The following ZNF821 variants were observed in gnomAD, a reference collection of about 807,000 sequenced individuals.
ZNF821 encodes zinc finger protein 821.
A neutral mutation model predicts 44.3 loss-of-function variants in ZNF821; 16 were observed. That is an observed-to-expected ratio of 0.36 (90% CI 0.24 to 0.55). The LOEUF (loss-of-function observed/expected upper bound fraction) is 0.55, where lower values mean the gene tolerates loss of function less well. ZNF821 is among the 20% of genes least tolerant of loss of function. The pLI, the probability that ZNF821 is intolerant of heterozygous loss-of-function variation, is 0.86. For synonymous variants in ZNF821, 204 were observed against 197.6 expected (o/e 1.03, Z -0.27); for missense variants, 436 against 547.6 (o/e 0.80, Z 2.03).
At chr16:71,894,829 G>C (rs2036930351) in intron 1 of ZNF821, 2 of 1,534,300 alleles carry the variant, frequency 1.3e-6, no homozygotes, top group African/African-American at 1.4e-5. Flanking sequence ...GGCTTAAGCA[G>C]CGATAATGGT....
intron 3 of ZNF821, 99 bp from the exon 4 acceptor site, chr16:71,868,136 C>A: frequency 7.3e-7 from 1 of 1,377,552 alleles, no homozygotes; most frequent in Non-Finnish European, 9.7e-7. Flanking sequence ...AGGAGACAGG[C>A]AGGTACCCTG....
chr16:71,874,160 C>T (rs987791248), intron 3 of ZNF821, among the ~76,000 whole-genome samples: 1 of 151,824 alleles, frequency 6.6e-6, no homozygotes, highest in African/African-American at 2.4e-5. Context: ...CAGGGTTTCA[C>T]CATGTTGGCC....
chr16:71,860,988 T>A lies in ZNF821; in HGVS notation c.585-316A>T, dbSNP rs2033808135. On this transcript the variant is annotated intron_variant, in intron 7 of 7. Coordinates refer to ENST00000425432, the MANE Select transcript of ZNF821 (RefSeq NM_001201552.2). The surrounding 1 kb of genome is among the most constrained non-coding windows in gnomAD (Gnocchi z 7.3). Reference sequence around the variant, plus strand: ...CTCCTGCCTCAGCCTCCTGAGTAGCTGGGATTACAGGCGCACGCCACCACG... The same window carrying A: ...CTCCTGCCTCAGCCTCCTGAGTAGCAGGGATTACAGGCGCACGCCACCACG... 6.6e-6 allele frequency among the ~76,000 whole-genome samples: 1 copy of A among 152,074 alleles called. No individual in the cohort carries two copies. The highest frequency in any genetic ancestry group is 1.5e-5 in the Non-Finnish European group (1 of 68,028).
In ZNF821 at chr16:71,860,466, T is replaced by C; in HGVS notation, c.791A>G (p.Asn264Ser). The C allele has an allele frequency of 6.2e-7, 1 of 1,614,162 alleles. No individual in the cohort carries two copies. The highest frequency in any genetic ancestry group is 1.3e-5 in the African/African-American group (1 of 75,046). The stretch of plus-strand genomic sequence containing the variant: ...CTGCAGCCGTACTTCCAAAGGCTCA[T>C]TCTGTCGACGTAGAGCCCACTTGCG... ...SVRKWALRRQ[N>S]EPLEVRLQRL... The change falls in exon 8 of 8, where the codon AAT (asparagine) becomes AGT (serine). Residue 264 changes from asparagine to serine, a missense_variant. This residue lies in a region of ZNF821 where 68 missense variants were observed against 57.0 expected (regional missense o/e 1.19). Transcript: ENST00000425432. This position sits in a 1 kb window ranked among gnomAD's most constrained non-coding sequence, Gnocchi z 7.3.
rs929247722 is a variant in ZNF821, at chr16:71,890,999, C to T, written n.448+3890G>A. Among the ~76,000 whole-genome samples, 4 of 151,850 alleles carry T rather than the reference C, an allele frequency of 2.6e-5. No individual in the cohort carries two copies. The East Asian group carries it at 7.8e-4, about 29-fold the overall frequency. On this transcript the variant is annotated intron_variant and non_coding_transcript_variant, in intron 1 of 2. Transcript: ENST00000561700. The stretch of plus-strand genomic sequence containing the variant: ...CTGTGTTAGCCAGGATGGTCTCCAT[C>T]TCCTAACCTCGTGATCCGCCCGCCT...
At chr16:71,879,366 T>C (rs2036188853) in intron 3 of ZNF821, among the ~76,000 whole-genome samples, 1 of 152,082 alleles carries the variant, frequency 6.6e-6, no homozygotes, top group Non-Finnish European at 1.5e-5. Context: ...TTTTCTACCC[T>C]CTAAGGCCCA....
At chr16:71,884,875 T>G (rs2036786196), upstream of ZNF821, 1 of 117,380 alleles carries the variant, frequency 8.5e-6, no homozygotes, top group Admixed American at 8.8e-5. Context: ...TTTTTTTTTT[T>G]GAGACAGAGT....
intron 3 of ZNF821, among the ~76,000 whole-genome samples, chr16:71,871,074 G>A (rs772276711): frequency 6.6e-5 from 10 of 152,108 alleles, no homozygotes; most frequent in Non-Finnish European, 1.2e-4. Flanking sequence ...ATTCAGTTTC[G>A]TCTCCAACTT....
chr16:71,864,087 G>C, intron 6 of ZNF821, 51 bp downstream of exon 6: 2 of 1,527,480 alleles, frequency 1.3e-6, no homozygotes, highest in East Asian at 4.5e-5. Context: ...CTGGGCTACA[G>C]ACAAGCTGCC....
chr16:71,860,092 T>G lies in ZNF821; in HGVS notation c.1165A>C (p.Ser389Arg), dbSNP rs2033657490. Residue 389 changes from serine to arginine, a missense_variant, in exon 8 of 8, where the codon AGT (serine) becomes CGT (arginine). Ser to Arg is a moderately radical substitution (Grantham distance 110, BLOSUM62 -1). This residue lies in a region of ZNF821 where 55 missense variants were observed against 56.9 expected (regional missense o/e 0.97). Transcript: ENST00000425432. The surrounding 1 kb of genome is among the most constrained non-coding windows in gnomAD (Gnocchi z 7.3). ...AGCTGGCTGTCCAACTCCACCCCAC[T>G]TACAGGCAGCTGGAAGAAGTTCATT... ...AEMNFFQLPVSGVELDSQLLG... is the reference protein window; with the variant it reads ...AEMNFFQLPVRGVELDSQLLG... 1 of 1,614,202 alleles carries G rather than the reference T, an allele frequency of 6.2e-7. No individual in the cohort carries two copies. Among genetic ancestry groups the G allele is most frequent in the Non-Finnish European group, 8.5e-7 (1 of 1,180,028 alleles).
rs1048534306 is a variant in ZNF821, at chr16:71,878,480, G to T, written c.40+1427C>A. On this transcript the variant is annotated intron_variant, in intron 3 of 7. Transcript: ENST00000425432. The stretch of plus-strand genomic sequence containing the variant: ...TTATCTTCCCAGATAATAGGAAAAT[G>T]GCTAATTATCTCAAATCTGTGTAGA... Among the ~76,000 whole-genome samples, 3 of 152,032 alleles carry T rather than the reference G, an allele frequency of 2.0e-5. No homozygotes were observed. In the South Asian group the frequency reaches 6.2e-4, roughly 32 times the overall value.
chr16:71,869,442 A>G (rs1026554098), intron 3 of ZNF821, among the ~76,000 whole-genome samples: 3 of 152,174 alleles, frequency 2.0e-5, no homozygotes, highest in East Asian at 3.9e-4. Flanking sequence ...CATCTATTAT[A>G]TGCCAGCTAC....
intron 3 of ZNF821, among the ~76,000 whole-genome samples, chr16:71,868,966 C>T (rs1046184007): frequency 1.3e-5 from 2 of 151,590 alleles, no homozygotes; most frequent in Non-Finnish European, 3.0e-5. Context: ...CTGGCCAGTC[C>T]AGTTTTTTTT....
At chr16:71,863,685 T>C (rs2034194057) in intron 6 of ZNF821, among the ~76,000 whole-genome samples, 1 of 152,094 alleles carries the variant, frequency 6.6e-6, no homozygotes, top group African/African-American at 2.4e-5. Context: ...CCACCACACC[T>C]GGCTTTGGGC....
chr16:71,868,113 A>T, intron 3 of ZNF821, 76 bp from the exon 4 acceptor site: 1 of 1,482,528 alleles, frequency 6.7e-7, no homozygotes, highest in Non-Finnish European at 9.0e-7. Context: ...GGAAGGTCAG[A>T]CCATTCAAAG....
chr16:71,887,821 A>G (rs138604583), upstream of ZNF821, among the ~76,000 whole-genome samples: 4 of 149,034 alleles, frequency 2.7e-5, no homozygotes, highest in East Asian at 2.0e-4. Flanking sequence ...GAGAATGTCT[A>G]TTCAAATCCT....
intron 1 of ZNF821, chr16:71,894,854 C>A: frequency 1.3e-6 from 2 of 1,532,336 alleles, no homozygotes; most frequent in African/African-American, 1.4e-5. Flanking sequence ...AAGTTAAAAA[C>A]AAAGGTAACC....
At chr16:71,893,029 C>CCTTTTTTTTT (rs2036898813) in intron 1 of ZNF821, among the ~76,000 whole-genome samples, 2 of 65,908 alleles carry the variant, frequency 3.0e-5, no homozygotes, top group Non-Finnish European at 5.1e-5. Flanking sequence ...CCCTGCCTGG[C>CCTTTTTTTTT]TTTTTTTTTT....
intron 4 of ZNF821, among the ~76,000 whole-genome samples, chr16:71,866,345 T>C (rs2142373703): frequency 6.6e-6 from 1 of 152,322 alleles, no homozygotes; most frequent in Middle Eastern, 3.4e-3. Flanking sequence ...TGCTAGTAGT[T>C]ACATGTGTCC....
Sources: gnomAD v4.1 joint callset for allele counts (sites outside exome capture counted in the v4.1 genomes callset) on GRCh38, gnomAD v4.1.1 for gene constraint, gnomAD v4.1.1 regional missense constraint, Gnocchi (gnomAD v3.1) non-coding constraint, MANE v1.5 for transcripts, NCBI Gene and HGNC (gene_info 2026-07-23, HGNC 2026-07-21) for gene names.